Variants in TNRC6B observed in about 807,000 individuals in gnomAD.
TNRC6B encodes the protein trinucleotide repeat containing adaptor 6B.
TNRC6B carries 52 observed loss-of-function variants against 203.6 expected under a neutral mutation model. The observed-to-expected ratio is 0.26, with a 90% CI of 0.20 to 0.32. The LOEUF is 0.32. TNRC6B is among the 10% of genes least tolerant of loss of function. The pLI is 1.00. For synonymous variants in TNRC6B, 838 were observed against 845.7 expected (o/e 0.99, Z 0.16); for missense variants, 1,923 against 2,286.2 (o/e 0.84, Z 3.24).
chr22:40,220,104 G>T (rs2069688192), intron 1 of TNRC6B, among the ~76,000 whole-genome samples: 1 of 152,186 alleles, frequency 6.6e-6, no homozygotes, highest in Non-Finnish European at 1.5e-5. Flanking sequence ...CGCTGCGGTA[G>T]TAGGTGGGGG....
At chr22:40,251,225 A>G in intron 3 of TNRC6B, 25 bp downstream of exon 3, 1 of 1,511,206 alleles carries the variant, frequency 6.6e-7, no homozygotes, top group East Asian at 2.5e-5. Context: ...TTCTTTTTAA[A>G]TTATTTAGAA....
chr22:40,142,544 G>A (rs767732120), intron 3 of TNRC6B, among the ~76,000 whole-genome samples: 32 of 152,170 alleles, frequency 2.1e-4, no homozygotes, highest in Non-Finnish European at 4.1e-4. Flanking sequence ...TAGCAGAAAG[G>A]AGAGAACTTG....
At chr22:40,187,254 G>A (rs749698857) in intron 1 of TNRC6B, among the ~76,000 whole-genome samples, 2 of 152,146 alleles carry the variant, frequency 1.3e-5, no homozygotes, top group South Asian at 2.1e-4. Flanking sequence ...TAGCACCATC[G>A]CAAAGCATTT....
chr22:40,074,718 G>A (rs977498547), intron 1 of TNRC6B, among the ~76,000 whole-genome samples: 3 of 151,946 alleles, frequency 2.0e-5, no homozygotes, highest in South Asian at 4.1e-4. Flanking sequence ...GGTGGAGCTT[G>A]CAGTGAGCCG....
rs534236862 is a variant in TNRC6B, at chr22:40,270,555, T to A, written c.2965+275T>A. 3.3e-5 allele frequency among the ~76,000 whole-genome samples: 5 copies of A among 152,220 alleles called. No individual in the cohort carries two copies. In the East Asian group the frequency reaches 9.7e-4, roughly 29 times the overall value. On this transcript the variant is annotated intron_variant, in intron 6 of 22. Transcript: ENST00000454349. ...GGCTGGTCTTGAACTCCTGTCCTTG[T>A]GATCCACCCGCCTTGGCCTCCCAAA...
At chr22:40,146,561 A>ATTTTTTTTTTTTT (rs59901929) in intron 3 of TNRC6B, among the ~76,000 whole-genome samples, 1 of 109,240 alleles carries the variant, frequency 9.2e-6, no homozygotes. Flanking sequence ...CGCCCGGCTA[A>ATTTTTTTTTTTTT]TTTTTTTTTT....
At chr22:40,062,658 G>A (rs1372106484) in intron 1 of TNRC6B, among the ~76,000 whole-genome samples, 1 of 152,154 alleles carries the variant, frequency 6.6e-6, no homozygotes, top group Admixed American at 6.5e-5. Context: ...TTTATTGTCA[G>A]CTATCCTACT....
intron 1 of TNRC6B, among the ~76,000 whole-genome samples, chr22:40,242,279 T>C (rs1352795039): frequency 2.6e-5 from 4 of 152,208 alleles, no homozygotes; most frequent in African/African-American, 9.7e-5. Context: ...TAATATTTAT[T>C]GTGTCTATAT....
chr22:40,078,290 G>C (rs2068036073), intron 1 of TNRC6B, among the ~76,000 whole-genome samples: 1 of 152,200 alleles, frequency 6.6e-6, no homozygotes. Flanking sequence ...CACTTTGAGA[G>C]GTGGGAAGAT....
intron 2 of TNRC6B, among the ~76,000 whole-genome samples, chr22:40,122,530 C>T (rs1350663321): frequency 2.0e-5 from 3 of 152,110 alleles, no homozygotes; most frequent in Non-Finnish European, 4.4e-5. Flanking sequence ...AGCTGGTTTC[C>T]AGAAGGAAGG....
intron 1 of TNRC6B, among the ~76,000 whole-genome samples, chr22:40,199,266 T>A (rs2069379296): frequency 6.6e-6 from 1 of 152,154 alleles, no homozygotes; most frequent in Admixed American, 6.5e-5. Flanking sequence ...AAGAATGGGT[T>A]CTCTAAATTT....
At chr22:40,177,907 C>A, upstream of TNRC6B, 1 of 1,341,968 alleles carries the variant, frequency 7.5e-7, no homozygotes, top group Non-Finnish European at 9.5e-7. Flanking sequence ...TTGAAGGTCA[C>A]AAAAAGCTGC....
chr22:40,079,946 C>T (rs2068051485), intron 1 of TNRC6B, among the ~76,000 whole-genome samples: 1 of 152,176 alleles, frequency 6.6e-6, no homozygotes, highest in Admixed American at 6.5e-5. Context: ...CAGGCGCCTG[C>T]CACCACGCCT....
At chr22:40,232,130 T>C (rs1020691922) in intron 1 of TNRC6B, among the ~76,000 whole-genome samples, 1 of 152,156 alleles carries the variant, frequency 6.6e-6, no homozygotes, top group African/African-American at 2.4e-5. Context: ...TTAGCAGTAT[T>C]GTGAAAAAAC....
At chr22:40,221,528 C>G (rs185437547) in intron 1 of TNRC6B, among the ~76,000 whole-genome samples, 1 of 152,304 alleles carries the variant, frequency 6.6e-6, no homozygotes, top group African/African-American at 2.4e-5. Context: ...CAGCCTCAAC[C>G]TCCCTGGCTC....
intron 4 of TNRC6B, among the ~76,000 whole-genome samples, chr22:40,158,440 A>G (rs538661310): frequency 6.6e-6 from 1 of 152,270 alleles, no homozygotes; most frequent in African/African-American, 2.4e-5. Context: ...TTTTTAAAAA[A>G]ACAGGTGGAA....
chr22:40,318,871 G>T (rs2071296035), intron 21 of TNRC6B, among the ~76,000 whole-genome samples: 1 of 152,066 alleles, frequency 6.6e-6, no homozygotes, highest in Admixed American at 6.6e-5. Flanking sequence ...AGGAGTTCCA[G>T]ACCAGCCTGG....
intron 1 of TNRC6B, among the ~76,000 whole-genome samples, chr22:40,079,291 G>A (rs938983640): frequency 2.0e-5 from 3 of 152,054 alleles, no homozygotes; most frequent in Admixed American, 2.0e-4. Flanking sequence ...TGCTTCTGGT[G>A]GGCGAGTGGG....
At chr22:40,146,422 T>A (rs989487192) in intron 3 of TNRC6B, among the ~76,000 whole-genome samples, 1 of 151,472 alleles carries the variant, frequency 6.6e-6, no homozygotes, top group South Asian at 2.1e-4. Context: ...TGAGACGGAG[T>A]TTCTCTCTTG....
Sources: gnomAD v4.1 joint callset for allele counts (sites outside exome capture counted in the v4.1 genomes callset) on GRCh38, gnomAD v4.1.1 for gene constraint, MANE v1.5 for transcripts, NCBI Gene and HGNC (gene_info 2026-07-23, HGNC 2026-07-21) for gene names.